CPS1: variants seen among roughly 807,000 people sequenced by gnomAD.
The protein encoded by CPS1 is carbamoyl-phosphate synthase 1.
Under a neutral mutation model 174.6 loss-of-function variants are expected in CPS1, and 109 were observed. The ratio of observed to expected loss-of-function variants is 0.62; its 90% confidence interval spans 0.53 to 0.73. CPS1 has a LOEUF of 0.73. Among genes scored for constraint, CPS1 ranks in the 30% least tolerant of loss-of-function variants. The probability of loss-of-function intolerance (pLI) is 0.00; values close to 1 mark genes in which losing one functional copy is unlikely to be tolerated. For synonymous variants in CPS1, 637 were observed against 632.0 expected, an observed-to-expected ratio of 1.01 and a Z score of -0.12; for missense variants, 1,689 against 1,821.9, an observed-to-expected ratio of 0.93 and a Z score of 1.33.
intron 1 of CPS1, among the ~76,000 whole-genome samples, chr2:210,497,626 T>C (rs932979510): frequency 2.6e-5 from 4 of 152,028 alleles, no homozygotes; most frequent in Admixed American, 2.6e-4. Flanking sequence ...GTCCCACTTA[T>C]AGGCAAGAAC....
At chr2:210,493,340 A>G (rs1289346017) in intron 1 of CPS1, among the ~76,000 whole-genome samples, 4 of 152,328 alleles carry the variant, frequency 2.6e-5, no homozygotes, top group Middle Eastern at 6.8e-3. Flanking sequence ...AGATTTCTGT[A>G]AGAACACAGT....
intron 1 of CPS1, among the ~76,000 whole-genome samples, chr2:210,527,324 A>G (rs974345835): frequency 6.6e-6 from 1 of 151,940 alleles, no homozygotes; most frequent in Non-Finnish European, 1.5e-5. Context: ...CTCCCATAAG[A>G]TGGAACATTA....
chr2:210,576,420 G>A lies in CPS1; in HGVS notation c.311G>A (p.Gly104Asp), dbSNP rs201111970. Residue 104 changes from glycine to aspartate, a missense_variant, in exon 3 of 38, where the codon GGT (glycine) becomes GAT (aspartate). Physicochemically the swap from Gly to Asp is moderately conservative, Grantham distance 94. Transcript: ENST00000233072. The stretch of plus-strand genomic sequence containing the variant: ...ATGGCCAACCCTATTATTGGGAATG[G>A]TGGAGCTCCTGATACTACTGCTCTG... ...LTMANPIIGNGGAPDTTALDE... is the reference protein window; with the variant it reads ...LTMANPIIGNDGAPDTTALDE... 4 of 1,613,744 alleles carry A rather than the reference G, an allele frequency of 2.5e-6. No individual in the cohort carries two copies. Among genetic ancestry groups the A allele is most frequent in the East Asian group, 2.2e-5 (1 of 44,852 alleles).
intron 28 of CPS1, among the ~76,000 whole-genome samples, chr2:210,653,170 G>C (rs991378088): frequency 3.3e-5 from 5 of 152,134 alleles, no homozygotes; most frequent in Non-Finnish European, 5.9e-5. Context: ...GAATACACGT[G>C]GGGAAGAGAC....
chr2:210,645,503 G>A (rs1426794561), intron 25 of CPS1, among the ~76,000 whole-genome samples: 7 of 152,118 alleles, frequency 4.6e-5, no homozygotes. Context: ...AATCTATAGA[G>A]TTGAGTTCAG....
intron 27 of CPS1, among the ~76,000 whole-genome samples, chr2:210,649,809 C>T (rs1700505323): frequency 6.6e-6 from 1 of 152,088 alleles, no homozygotes; most frequent in South Asian, 2.1e-4. Flanking sequence ...TTTTCTCAAG[C>T]ATTTAAAAAG....
At chr2:210,497,923 C>CATAT (rs1695041721) in intron 1 of CPS1, among the ~76,000 whole-genome samples, 1 of 40,402 alleles carries the variant, frequency 2.5e-5, no homozygotes, top group African/African-American at 7.3e-5. Flanking sequence ...TATATATCTC[C>CATAT]AGTAATGCAG....
chr2:210,647,884 T>C lies in CPS1; in HGVS notation c.3163T>C (p.Ser1055Pro). The C allele has an allele frequency of 6.2e-7, 1 of 1,613,986 alleles. No individual in the cohort carries two copies. The highest frequency in any genetic ancestry group is 8.5e-7 in the Non-Finnish European group (1 of 1,179,912). The part of the protein sequence containing the change: ...HQEACGGCII[S>P]VGGQIPNNLA... ...CCAGGCATGTGGTGGCTGCATCATA[T>C]CAGTTGGAGGCCAGATTCCAAACAA... Residue 1055 changes from serine (S) to proline (P), a missense_variant, in exon 26 of 38, where the codon TCA (serine) becomes CCA (proline). Coordinates refer to ENST00000233072, the MANE Select transcript of CPS1 (RefSeq NM_001875.5).
chr2:210,495,362 T>G (rs1199729990), intron 1 of CPS1, among the ~76,000 whole-genome samples: 1 of 152,156 alleles, frequency 6.6e-6, no homozygotes, highest in African/African-American at 2.4e-5. Context: ...TTCTGTGATG[T>G]GCCTCCACTC....
At chr2:210,645,804 T>C (rs10469763) in intron 25 of CPS1, among the ~76,000 whole-genome samples, 85,438 of 151,928 alleles carry the variant, frequency 0.56, 26,205 homozygotes, top group African/African-American at 0.83. Flanking sequence ...GGGATATGGG[T>C]GAGTCACTTC....
intron 29 of CPS1, among the ~76,000 whole-genome samples, chr2:210,654,728 G>A (rs1700656106): frequency 6.6e-6 from 1 of 152,132 alleles, no homozygotes; most frequent in Admixed American, 6.5e-5. Context: ...ATGTTGTAGG[G>A]AGTCTATGCC....
At chr2:210,597,717 C>T (rs1437549313) in intron 13 of CPS1, among the ~76,000 whole-genome samples, 5 of 151,690 alleles carry the variant, frequency 3.3e-5, no homozygotes, top group African/African-American at 1.2e-4. Flanking sequence ...TGCTAAGTGT[C>T]ACCCTCATCT....
chr2:210,639,143 C>G lies in CPS1; in HGVS notation c.2830-7C>G, dbSNP rs1700129439. On this transcript the variant is annotated splice_polypyrimidine_tract_variant and splice_region_variant and intron_variant, in intron 22 of 37. Coordinates refer to ENST00000233072, the MANE Select transcript of CPS1 (RefSeq NM_001875.5). ...TATTTGTTTATTTTATTTGTTTTCT[C>G]TTACAGATTGATACACTGGCTGCAG... 2 of 1,607,778 alleles carry G rather than the reference C, an allele frequency of 1.2e-6. No homozygotes were observed. The highest frequency in any genetic ancestry group is 4.5e-5 in the East Asian group (2 of 44,804).
chr2:210,642,797 C>G, intron 25 of CPS1, 132 bp downstream of exon 25: 3 of 836,612 alleles, frequency 3.6e-6, no homozygotes, highest in African/African-American at 1.7e-5. Context: ...CAGTGGCATC[C>G]ATTGTCTTAT....
chr2:210,530,738 A>C (rs997381281), intron 1 of CPS1, among the ~76,000 whole-genome samples: 2 of 151,924 alleles, frequency 1.3e-5, no homozygotes, highest in Non-Finnish European at 2.9e-5. Flanking sequence ...TTGTGCCCCA[A>C]CTTCCATTCA....
intron 35 of CPS1, 100 bp from the exon 36 acceptor site, chr2:210,675,628 A>G (rs1478587718): frequency 2.7e-6 from 2 of 734,392 alleles, no homozygotes; most frequent in Non-Finnish European, 5.0e-6. Context: ...ACTACTTCTC[A>G]TGTTCAGCAA....
intron 1 of CPS1, among the ~76,000 whole-genome samples, chr2:210,570,312 T>G (rs1489037293): frequency 6.6e-6 from 1 of 151,912 alleles, no homozygotes; most frequent in Non-Finnish European, 1.5e-5. Context: ...TTTCACGCAA[T>G]AGCAAATGTC....
chr2:210,555,750 G>A, upstream of CPS1: 6 of 435,222 alleles, frequency 1.4e-5, no homozygotes, highest in South Asian at 6.7e-5. Context: ...TGTGACTTAA[G>A]CAAGAGCATC....
chr2:210,569,370 G>T (rs894744485), intron 1 of CPS1, among the ~76,000 whole-genome samples: 13 of 151,832 alleles, frequency 8.6e-5, no homozygotes, highest in African/African-American at 1.9e-4. Flanking sequence ...TTAAATTTTG[G>T]ATTTTTAATA....
Sources: allele counts gnomAD v4.1 joint callset (sites outside exome capture counted in the v4.1 genomes callset), GRCh38; gene constraint gnomAD v4.1.1; transcripts MANE v1.5; gene names NCBI Gene and HGNC (gene_info 2026-07-23, HGNC 2026-07-21).